Variants in ZNF560 observed in about 807,000 individuals in gnomAD.
ZNF560 encodes the protein zinc finger protein 560.
Under a neutral mutation model 81.8 loss-of-function variants are expected in ZNF560, and 54 were observed. That is an observed-to-expected ratio of 0.66 (90% confidence interval 0.53 to 0.83). ZNF560 has a LOEUF of 0.83. Ranked by LOEUF, ZNF560 falls within the 40% of genes least tolerant of loss-of-function variation. The probability of loss-of-function intolerance (pLI) is 0.00; values close to 1 mark genes in which losing one functional copy is unlikely to be tolerated. For synonymous variants in ZNF560, 321 were observed against 317.9 expected, an observed-to-expected ratio of 1.01 and a Z score of -0.10; for missense variants, 940 against 932.4, an observed-to-expected ratio of 1.01 and a Z score of -0.11.
chr19:9,464,774 A>G (rs1019511526), downstream of ZNF560, among the ~76,000 whole-genome samples: 6 of 152,160 alleles, frequency 3.9e-5, no homozygotes, highest in Non-Finnish European at 5.9e-5. Flanking sequence ...TATAGGAGAA[A>G]GACATACCAT....
Position 9,467,173 on chromosome 19 carries a change from G to A in ZNF560, c.1774C>T (p.Arg592Ter), listed in dbSNP as rs746257684. The A allele has an allele frequency of 1.4e-5, 22 of 1,613,356 alleles. No individual in the cohort carries two copies. The highest frequency in any genetic ancestry group is 5.4e-5 in the African/African-American group (4 of 74,714). ...TATGGCTTCTCTCCACTGTGTCTTC[G>A]TAAATGTTTAGTAAGGTATGAGCGC... ...TERSYLTKHL[R>*]RHSGEKPYEC... Residue 592 changes from arginine to a stop codon, truncating the protein, a stop_gained, in exon 10 of 10, where the codon CGA (arginine) becomes TGA (stop). Transcript: ENST00000301480. LOFTEE classifies it high-confidence loss of function.
the ZNF560 span, among the ~76,000 whole-genome samples, chr19:9,457,366 C>G: frequency 1.3e-5 from 2 of 152,200 alleles, no homozygotes; most frequent in Admixed American, 6.5e-5. Flanking sequence ...GGACTGTGAA[C>G]AGTTTGCAAT....
chr19:9,466,339 C>T (rs907940986), downstream of ZNF560, among the ~76,000 whole-genome samples: 7 of 141,236 alleles, frequency 5.0e-5, no homozygotes, highest in African/African-American at 1.7e-4. Context: ...GAGTGAGACT[C>T]ATCAAAAAAA....
In ZNF560 at chr19:9,491,825, C is replaced by CAA. The variant is rs1337657281; in HGVS notation, c.-57+6301_-57+6302dup. Among the ~76,000 whole-genome samples, 70 of 28,870 alleles carry CAA rather than the reference C, an allele frequency of 2.4e-3. 3 individuals carry two copies. Among genetic ancestry groups the CAA allele is most frequent in the African/African-American group, 0.01 (60 of 5,854 alleles). 18.9% of individuals were successfully genotyped at this position (28,870 alleles called of 152,430 possible). A position where few individuals can be genotyped will look rare whatever the true frequency, so the allele number is the denominator to read the frequency against. ...TGGGCGACAGAGCGAGACTCCGTCT[C>CAA]AAAAAAAAAAAAAAAAAAAACAGGG... On this transcript the variant is annotated intron_variant, in intron 2 of 9. Coordinates refer to ENST00000301480, the MANE Select transcript of ZNF560 (RefSeq NM_152476.3).
chr19:9,490,230 T>G (rs1250222130), intron 2 of ZNF560, among the ~76,000 whole-genome samples: 2 of 152,232 alleles, frequency 1.3e-5, no homozygotes, highest in African/African-American at 4.8e-5. Flanking sequence ...ATACTTCCAT[T>G]CTTGAAAAGT....
intron 5 of ZNF560, 144 bp downstream of exon 5, chr19:9,473,035 G>A: frequency 2.9e-6 from 2 of 695,422 alleles, no homozygotes; most frequent in Non-Finnish European, 5.1e-6. Context: ...AGAGCCTGCA[G>A]AATCGTGAGC....
the ZNF560 span, among the ~76,000 whole-genome samples, chr19:9,450,551 A>ATTTG: frequency 1.3e-5 from 2 of 152,044 alleles, no homozygotes; most frequent in Non-Finnish European, 2.9e-5. Context: ...ATCAGCATTT[A>ATTTG]TTTGTTTGTT....
chr19:9,448,216 G>A, the ZNF560 span, among the ~76,000 whole-genome samples: 1 of 151,786 alleles, frequency 6.6e-6, no homozygotes, highest in Non-Finnish European at 1.5e-5. Context: ...GAGTTTTTGT[G>A]TGTGCGTGTG....
chr19:9,475,445 C>T (rs1326223676), intron 2 of ZNF560, 76 bp from the exon 3 acceptor site: 15 of 797,164 alleles, frequency 1.9e-5, no homozygotes, highest in Admixed American at 5.5e-5. Context: ...GTTATTCCAA[C>T]CTGGTTCGAA....
intron 2 of ZNF560, among the ~76,000 whole-genome samples, chr19:9,484,300 A>G (rs954765424): frequency 1.3e-5 from 2 of 151,994 alleles, no homozygotes; most frequent in East Asian, 3.9e-4. Flanking sequence ...AAAAAAAAAA[A>G]AAAGAAACAG....
chr19:9,447,133 C>CAAAAA, the ZNF560 span, among the ~76,000 whole-genome samples: 86 of 80,676 alleles, frequency 1.1e-3, no homozygotes, highest in African/African-American at 2.5e-3. Context: ...GACTCCGTCA[C>CAAAAA]AAAAAAAAAA....
At chr19:9,455,025 G>C in the ZNF560 span, among the ~76,000 whole-genome samples, 1 of 152,110 alleles carries the variant, frequency 6.6e-6, no homozygotes, top group Non-Finnish European at 1.5e-5. Flanking sequence ...TGAGCAAAAA[G>C]TAGTCTCCCC....
the ZNF560 span, among the ~76,000 whole-genome samples, chr19:9,458,940 C>T: frequency 6.6e-6 from 1 of 152,354 alleles, no homozygotes; most frequent in Middle Eastern, 3.4e-3. Context: ...CACCTTTTCT[C>T]ACTTTGTCTG....
Position 9,483,221 on chromosome 19 carries a change from C to T in ZNF560, c.-56-7852G>A, listed in dbSNP as rs188775043. 8.5e-4 allele frequency among the ~76,000 whole-genome samples: 129 copies of T among 151,930 alleles called. 1 individual carries two copies. Among genetic ancestry groups the T allele is most frequent in the Middle Eastern group, 3.4e-3 (1 of 294 alleles). On this transcript the variant is annotated intron_variant, in intron 2 of 9. Coordinates refer to ENST00000301480, the MANE Select transcript of ZNF560 (RefSeq NM_152476.3). ...GCCATCCCGTCTAGGAAGAGAGGAG[C>T]GTCTCTGCCCGGCTGCCCACCATCT... is the stretch of plus-strand genomic sequence containing the variant.
chr19:9,474,792 A>T lies in ZNF560; in HGVS notation c.31-467T>A, dbSNP rs955852453. 8.1e-5 allele frequency among the ~76,000 whole-genome samples: 12 copies of T among 147,700 alleles called. No individual in the cohort carries two copies. The East Asian group carries it at 2.4e-3, about 30-fold the overall frequency. ...TCCTGCCTCAGCCTCCTGAGTAGCT[A>T]GGACTACAGCCATGCACCACCATGC... On this transcript the variant is annotated intron_variant, in intron 3 of 9. Coordinates refer to ENST00000301480, the MANE Select transcript of ZNF560 (RefSeq NM_152476.3).
Position 9,469,089 on chromosome 19 carries a change from C to T in ZNF560, c.612+16G>A, listed in dbSNP as rs754331981. 1.9e-6 allele frequency: 3 copies of T among 1,554,352 alleles called. No individual in the cohort carries two copies. Among genetic ancestry groups the T allele is most frequent in the Non-Finnish European group, 2.6e-6 (3 of 1,143,558 alleles). On this transcript the variant is annotated intron_variant, in intron 9 of 9. Coordinates refer to ENST00000301480, the MANE Select transcript of ZNF560 (RefSeq NM_152476.3). ...TCTGAATGTGAAAAATAAGAAAGTT[C>T]TTTTGTTAATCTTACCAACTGTATC...
At chr19:9,480,157 G>A (rs1049116184) in intron 2 of ZNF560, among the ~76,000 whole-genome samples, 2 of 152,074 alleles carry the variant, frequency 1.3e-5, no homozygotes, top group Non-Finnish European at 2.9e-5. Flanking sequence ...CCATCCAACA[G>A]CAGCAAAATA....
At chr19:9,485,358 G>A (rs1002412892) in intron 2 of ZNF560, among the ~76,000 whole-genome samples, 6 of 151,830 alleles carry the variant, frequency 4.0e-5, no homozygotes, top group South Asian at 2.1e-4. Flanking sequence ...TGGAATGCAC[G>A]GATGGTTCAA....
intron 3 of ZNF560, among the ~76,000 whole-genome samples, 154 bp downstream of exon 3, chr19:9,475,130 C>G (rs964673377): frequency 1.3e-5 from 2 of 152,114 alleles, no homozygotes; most frequent in Admixed American, 6.5e-5. Flanking sequence ...GTATGAGAAC[C>G]TCCACTCCCT....
Sources: gnomAD v4.1 joint callset for allele counts (sites outside exome capture counted in the v4.1 genomes callset) on GRCh38, gnomAD v4.1.1 for gene constraint, MANE v1.5 for transcripts, NCBI Gene and HGNC (gene_info 2026-07-23, HGNC 2026-07-21) for gene names.